The following FAM149A variants were observed in gnomAD, a reference collection of about 807,000 sequenced individuals.
FAM149A encodes family with sequence similarity 149 member A, also known as protein FAM149A.
Under a neutral mutation model 78.2 loss-of-function variants are expected in FAM149A, and 71 were observed. The observed-to-expected ratio is 0.91, with a 90% CI of 0.75 to 1.11. The LOEUF (loss-of-function observed/expected upper bound fraction) is 1.11, where lower values mean the gene tolerates loss of function less well. FAM149A is among the 50% of genes least tolerant of loss of function. The pLI, the probability that FAM149A is intolerant of heterozygous loss-of-function variation, is 0.00. For synonymous variants in FAM149A, 446 were observed against 410.5 expected (o/e 1.09, Z -1.04); for missense variants, 1,036 against 971.0 (o/e 1.07, Z -0.89).
intron 11 of FAM149A, 80 bp from the exon 12 acceptor site, chr4:186,166,888 G>C: frequency 7.0e-7 from 1 of 1,424,462 alleles, no homozygotes; most frequent in Non-Finnish European, 9.8e-7. Flanking sequence ...ATGAGTGAAC[G>C]ATTGAGCATG....
intron 1 of FAM149A, chr4:186,145,078 G>T: frequency 1.1e-5 from 11 of 985,352 alleles, no homozygotes; most frequent in Non-Finnish European, 1.3e-5. Context: ...TGGCGCGGGG[G>T]CTGCGAGCAC....
intron 1 of FAM149A, chr4:186,125,514 C>T (rs375528947): frequency 2.8e-6 from 1 of 357,150 alleles, no homozygotes; most frequent in African/African-American, 2.2e-5. Flanking sequence ...CAATCAGTGA[C>T]ATGGTACAGG....
Position 186,166,952 on chromosome 4 carries a change from A to C in FAM149A, c.2011-16A>C. On this transcript the variant is annotated splice_polypyrimidine_tract_variant and intron_variant, in intron 11 of 13. Coordinates refer to ENST00000389354, the MANE Select transcript of FAM149A (RefSeq NM_001367768.3). ...TTGCATTTATTTTAAACAAGAACAT[A>C]CTATCCTTCATTTAGTACAGAGGAA... 6.2e-7 allele frequency: 1 copy of C among 1,607,302 alleles called. No homozygotes were observed. Among genetic ancestry groups the C allele is most frequent in the Non-Finnish European group, 8.5e-7 (1 of 1,175,946 alleles).
chr4:186,146,910 A>G (rs1733096478), intron 1 of FAM149A: 1 of 985,356 alleles, frequency 1.0e-6, no homozygotes, highest in African/African-American at 1.7e-5. Flanking sequence ...GAGTCTTTCA[A>G]CCGAGGGCAT....
chr4:186,153,180 A>G (rs1733748299), intron 4 of FAM149A: 5 of 821,454 alleles, frequency 6.1e-6, no homozygotes, highest in Non-Finnish European at 7.4e-6. Flanking sequence ...GTCTTACATC[A>G]TTGATAGAAA....
chr4:186,146,417 G>C (rs551836195), intron 1 of FAM149A: 22 of 979,666 alleles, frequency 2.2e-5, no homozygotes, highest in Non-Finnish European at 2.7e-5. Context: ...TCAGCTCTGC[G>C]TCCAAGACAG....
rs545844864 is a variant in FAM149A, at chr4:186,120,146, C to T, written c.566+14504C>T. Among the ~76,000 whole-genome samples, 5 of 152,152 alleles carry T rather than the reference C, an allele frequency of 3.3e-5. No homozygotes were observed. The South Asian group carries it at 8.3e-4, about 25-fold the overall frequency. On this transcript the variant is annotated intron_variant, in intron 1 of 13. Transcript: ENST00000389354. ...CCAGGGTTCTTAGCATTTGAAGTAA[C>T]GGCTGGTATTTCAGGGTCTACTAGA...
At chr4:186,124,620 TC>T (rs1263298390) in intron 1 of FAM149A, among the ~76,000 whole-genome samples, 1 of 152,158 alleles carries the variant, frequency 6.6e-6, no homozygotes, top group Non-Finnish European at 1.5e-5. Context: ...TGCATAGTAT[TC>T]CATGGTGTAT....
At chr4:186,160,681 C>A (rs1216354001) in intron 8 of FAM149A, 3 of 502,688 alleles carry the variant, frequency 6.0e-6, no homozygotes, top group Non-Finnish European at 7.7e-6. Flanking sequence ...TACACACACA[C>A]CTTCACACAT....
intron 1 of FAM149A, among the ~76,000 whole-genome samples, chr4:186,141,430 G>C (rs544785754): frequency 6.6e-6 from 1 of 152,108 alleles, no homozygotes; most frequent in African/African-American, 2.4e-5. Context: ...CTTTATAAAT[G>C]TGGATACTAG....
At chr4:186,154,162 T>G (rs1256331290) in intron 5 of FAM149A, among the ~76,000 whole-genome samples, 2 of 152,146 alleles carry the variant, frequency 1.3e-5, no homozygotes, top group African/African-American at 4.8e-5. Context: ...ACTAGCAGAT[T>G]TTGATGACTC....
At chr4:186,155,800 C>G (rs1193965323) in intron 6 of FAM149A, among the ~76,000 whole-genome samples, 200 bp from the exon 7 acceptor site, 1 of 151,904 alleles carries the variant, frequency 6.6e-6, no homozygotes, top group African/African-American at 2.4e-5. Context: ...AAAGAAAGAT[C>G]AATGAAACCA....
chr4:186,127,238 G>T (rs79535758), intron 1 of FAM149A: 1 of 961,498 alleles, frequency 1.0e-6, no homozygotes, highest in Non-Finnish European at 1.2e-6. Context: ...TTTTCACCCT[G>T]CATGCCCACA....
chr4:186,158,699 C>G, intron 8 of FAM149A: 2 of 999,216 alleles, frequency 2.0e-6, no homozygotes, highest in Non-Finnish European at 2.4e-6. Flanking sequence ...CCTGAGGCTG[C>G]AGACTGCTCT....
intron 1 of FAM149A, chr4:186,126,117 A>T: frequency 3.0e-6 from 3 of 984,894 alleles, no homozygotes; most frequent in Non-Finnish European, 3.6e-6. Flanking sequence ...CACAAAATGA[A>T]ATCCTTTCAT....
At chr4:186,136,996 CTCTCTCTCTCTCTCTCTCTCTCT>C (rs1336174766) in intron 1 of FAM149A, among the ~76,000 whole-genome samples, 1 of 139,072 alleles carries the variant, frequency 7.2e-6, no homozygotes, top group Non-Finnish European at 1.6e-5. Context: ...CTCTCTCTCT[CTCTCTCTCTCTCTCTCTCTCTCT>C]AAGTGCTTAA....
chr4:186,168,264 T>C (rs1217603897), intron 13 of FAM149A, among the ~76,000 whole-genome samples: 1 of 152,234 alleles, frequency 6.6e-6, no homozygotes, highest in Non-Finnish European at 1.5e-5. Context: ...GCTTTTCTTG[T>C]ATGTTCCTTA....
At chr4:186,163,336 C>A (rs1734763975) in intron 9 of FAM149A, 88 bp from the exon 10 acceptor site, 3 of 1,010,742 alleles carry the variant, frequency 3.0e-6, no homozygotes, top group Non-Finnish European at 4.7e-6. Context: ...CCAGACTGTT[C>A]TAGGCAGTGC....
chr4:186,163,478 A>T lies in FAM149A; in HGVS notation c.1734A>T (p.Ala578=), dbSNP rs1344238927. The T allele has an allele frequency of 1.2e-6, 2 of 1,614,024 alleles. No homozygotes were observed. Among genetic ancestry groups the T allele is most frequent in the Admixed American group, 1.7e-5 (1 of 60,002 alleles). ...GAGGGGCAGGTGCTCTCTCCTCCGC[A>T]CCGCACAGACTGGGACGGGCCTCAG... The change falls in exon 10 of 14, where the codon GCA becomes GCT. Residue 578 remains alanine (A), a synonymous_variant. Coordinates refer to ENST00000389354, the MANE Select transcript of FAM149A (RefSeq NM_001367768.3).
Sources: allele counts gnomAD v4.1 joint callset (sites outside exome capture counted in the v4.1 genomes callset), GRCh38; gene constraint gnomAD v4.1.1; transcripts MANE v1.5; gene names NCBI Gene and HGNC (gene_info 2026-07-23, HGNC 2026-07-21).